ACBD6: variants seen among roughly 807,000 people sequenced by gnomAD.
ACBD6 encodes acyl-CoA binding domain containing 6.
Under a neutral mutation model 37.2 loss-of-function variants are expected in ACBD6, and 28 were observed. The ratio of observed to expected loss-of-function variants is 0.75; its 90% CI spans 0.56 to 1.03. The LOEUF is 1.03. Ranked by LOEUF, ACBD6 falls within the 50% of genes least tolerant of loss-of-function variation. The probability of loss-of-function intolerance (pLI) is 0.00; values close to 1 mark genes in which losing one functional copy is unlikely to be tolerated. For missense variants in ACBD6, 340 were observed against 337.4 expected (o/e 1.01, Z -0.06); for synonymous variants, 113 against 126.8 (o/e 0.89, Z 0.73).
At chr1:180,324,878 AT>A (rs796907324) in intron 6 of ACBD6, among the ~76,000 whole-genome samples, 54 of 151,538 alleles carry the variant, frequency 3.6e-4, no homozygotes, top group Admixed American at 2.4e-3. Flanking sequence ...TCTAGGGTAA[AT>A]TTTTTTTTGT....
chr1:180,333,969 G>C (rs1651592003), intron 6 of ACBD6, among the ~76,000 whole-genome samples: 1 of 152,226 alleles, frequency 6.6e-6, no homozygotes, highest in African/African-American at 2.4e-5. Context: ...GGCTGGGGGA[G>C]GGGCGCCTGC....
At chr1:180,332,302 C>T (rs1442025352) in intron 6 of ACBD6, among the ~76,000 whole-genome samples, 2 of 152,190 alleles carry the variant, frequency 1.3e-5, no homozygotes, top group African/African-American at 2.4e-5. Flanking sequence ...TCCCCTTCCC[C>T]ACTACAATCT....
At chr1:180,296,623 G>GT (rs2149281274) in intron 7 of ACBD6, among the ~76,000 whole-genome samples, 2 of 151,948 alleles carry the variant, frequency 1.3e-5, no homozygotes, top group South Asian at 4.2e-4. Flanking sequence ...TAGAGAAGGG[G>GT]TTTCACCATG....
At chr1:180,414,046 A>C (rs556570379) in intron 4 of ACBD6, among the ~76,000 whole-genome samples, 64 of 152,350 alleles carry the variant, frequency 4.2e-4, no homozygotes, top group Non-Finnish European at 7.8e-4. Context: ...CTATTATATT[A>C]TGCTGCCTTT....
At chr1:180,494,430 A>C (rs1472307923) in intron 2 of ACBD6, among the ~76,000 whole-genome samples, 1 of 152,186 alleles carries the variant, frequency 6.6e-6, no homozygotes, top group Admixed American at 6.5e-5. Context: ...TCAACCAAAA[A>C]ACTTGTGCAA....
intron 6 of ACBD6, among the ~76,000 whole-genome samples, chr1:180,328,836 T>G (rs1651361720): frequency 6.6e-6 from 1 of 152,060 alleles, no homozygotes; most frequent in Non-Finnish European, 1.5e-5. Context: ...CCTTTTATGA[T>G]TATTTTTCTA....
chr1:180,318,175 C>CCCCCCA (rs10632390), intron 6 of ACBD6, among the ~76,000 whole-genome samples: 3 of 102,748 alleles, frequency 2.9e-5, no homozygotes, highest in Non-Finnish European at 4.2e-5. Flanking sequence ...CCCCCCCCCC[C>CCCCCCA]AAAAAAAAAA....
chr1:180,328,254 T>C (rs1357986570), intron 6 of ACBD6, among the ~76,000 whole-genome samples: 2 of 149,466 alleles, frequency 1.3e-5, no homozygotes, highest in Non-Finnish European at 2.9e-5. Flanking sequence ...TATATACATA[T>C]ATATGTATAT....
At chr1:180,491,629 G>A (rs913803691) in intron 3 of ACBD6, among the ~76,000 whole-genome samples, 2 of 152,104 alleles carry the variant, frequency 1.3e-5, no homozygotes, top group Non-Finnish European at 2.9e-5. Context: ...TTTTGCCCTT[G>A]CATAGAAAGT....
At chr1:180,297,894 C>T (rs1649985100) in intron 7 of ACBD6, among the ~76,000 whole-genome samples, 1 of 152,148 alleles carries the variant, frequency 6.6e-6, no homozygotes, top group South Asian at 2.1e-4. Flanking sequence ...GTGCCCACCA[C>T]CAAGCACAGC....
chr1:180,342,381 AAAGAC>A (rs1233444434), intron 6 of ACBD6, among the ~76,000 whole-genome samples: 2 of 152,172 alleles, frequency 1.3e-5, no homozygotes, highest in Non-Finnish European at 2.9e-5. Context: ...GAAACAAAGA[AAAGAC>A]AATTATCTTA....
Position 180,502,339 on chromosome 1 carries a change from C to A in ACBD6, c.-73G>T, listed in dbSNP as rs1000146592. On this transcript the variant is annotated 5_prime_UTR_variant, in exon 1 of 8. Transcript: ENST00000367595. ...ATTGGGTGTAAGGCCGGCTTGGAGG[C>A]CTGGCCCACCAGTCTGGGTCGCGAG... 2.0e-6 allele frequency: 3 copies of A among 1,529,518 alleles called. No homozygotes were observed. In the African/African-American group the frequency reaches 4.1e-5, roughly 21 times the overall value. The allele number at this position is 1,529,518 out of a possible 1,614,324, so 94.7% of individuals were successfully genotyped here.
chr1:180,427,398 C>T (rs1034125373), intron 4 of ACBD6, among the ~76,000 whole-genome samples: 9 of 152,174 alleles, frequency 5.9e-5, no homozygotes, highest in Admixed American at 1.3e-4. Context: ...CTGTCACTTT[C>T]GCCTCAGTTA....
Position 180,288,302 on chromosome 1 carries a change from T to C in ACBD6, c.*61A>G. 2 of 1,606,344 alleles carry C rather than the reference T, an allele frequency of 1.2e-6. No homozygotes were observed. The highest frequency in any genetic ancestry group is 1.1e-5 in the South Asian group (1 of 90,432). On this transcript the variant is annotated 3_prime_UTR_variant, in exon 8 of 8. Coordinates refer to ENST00000367595, the MANE Select transcript of ACBD6 (RefSeq NM_032360.4). ...GGGTGGAAAAGAAGTATTATTTTTGTAGTTTTCTTTCATAATGGAAGCCTT... is the reference window on the plus strand; with the variant it reads ...GGGTGGAAAAGAAGTATTATTTTTGCAGTTTTCTTTCATAATGGAAGCCTT...
At chr1:180,278,637 C>CTT (rs1649188941) in intron 9 of ACBD6, 1 of 152,102 alleles carries the variant, frequency 6.6e-6, no homozygotes, top group African/African-American at 2.4e-5. Flanking sequence ...ATCACACCAA[C>CTT]TTTCCCACTT....
chr1:180,459,466 T>C (rs746688513), intron 3 of ACBD6, among the ~76,000 whole-genome samples: 1 of 152,172 alleles, frequency 6.6e-6, no homozygotes, highest in Non-Finnish European at 1.5e-5. Context: ...CTAATGAACA[T>C]CCTGATGAAG....
At chr1:180,351,280 GTT>G (rs34763031) in intron 6 of ACBD6, among the ~76,000 whole-genome samples, 156 of 125,246 alleles carry the variant, frequency 1.2e-3, no homozygotes, top group Non-Finnish European at 9.5e-4. Context: ...CAGATATTAC[GTT>G]TTTTTTTTTT....
At chr1:180,453,530 G>C (rs937316082) in intron 3 of ACBD6, among the ~76,000 whole-genome samples, 2 of 152,134 alleles carry the variant, frequency 1.3e-5, no homozygotes, top group African/African-American at 4.8e-5. Flanking sequence ...CAACATAGTA[G>C]TGGAAGTTCT....
chr1:180,276,213 C>A (rs115351245), intron 9 of ACBD6: 28 of 152,302 alleles, frequency 1.8e-4, no homozygotes, highest in African/African-American at 6.5e-4. Context: ...CTTCCTTCTA[C>A]GAATGGTTGG....
Sources: allele counts gnomAD v4.1 joint callset (sites outside exome capture counted in the v4.1 genomes callset), GRCh38; gene constraint gnomAD v4.1.1; transcripts MANE v1.5; gene names NCBI Gene and HGNC (gene_info 2026-07-23, HGNC 2026-07-21).